Variants in IPO11 observed in about 807,000 individuals in gnomAD.
The protein encoded by IPO11 is importin 11.
Under a neutral mutation model 143.2 loss-of-function variants are expected in IPO11, and 66 were observed. The ratio of observed to expected loss-of-function variants is 0.46; its 90% CI spans 0.38 to 0.57. IPO11 has a LOEUF of 0.57. Ranked by LOEUF, IPO11 falls within the 20% of genes least tolerant of loss-of-function variation. The pLI is 0.00. For synonymous variants in IPO11, 385 were observed against 377.8 expected (o/e 1.02, Z -0.22); for missense variants, 1,026 against 1,141.0 (o/e 0.90, Z 1.45).
At chr5:62,520,357 C>G (rs1217074951) in intron 20 of IPO11, among the ~76,000 whole-genome samples, 1 of 151,750 alleles carries the variant, frequency 6.6e-6, no homozygotes, top group East Asian at 1.9e-4. Flanking sequence ...CTTTCATCAT[C>G]TTGAAGAGAT....
chr5:62,566,731 C>T (rs566435381), intron 27 of IPO11, among the ~76,000 whole-genome samples: 28 of 138,746 alleles, frequency 2.0e-4, no homozygotes, highest in Non-Finnish European at 3.6e-4. Context: ...CAGTAAGACT[C>T]TGTCTCAAAA....
At chr5:62,617,213 G>A (rs1746174373) in intron 29 of IPO11, among the ~76,000 whole-genome samples, 1 of 152,178 alleles carries the variant, frequency 6.6e-6, no homozygotes, top group African/African-American at 2.4e-5. Flanking sequence ...TAATAAAAAT[G>A]TAGACAGAAA....
rs77360909 is a variant in IPO11 at position 62,561,504 on chromosome 5, A to G, written c.2582+247A>G. Among the ~76,000 whole-genome samples, 1,205 of 152,028 alleles carry G rather than the reference A, an allele frequency of 7.9e-3. 20 individuals are homozygous for G. The highest frequency in any genetic ancestry group is 0.028 in the African/African-American group (1,141 of 41,474). ...TGTATTCATTTTACAAATTTATTTCATTCTTGTCTGAATTTCCATTTTTTA... is the reference window on the plus strand; with the variant it reads ...TGTATTCATTTTACAAATTTATTTCGTTCTTGTCTGAATTTCCATTTTTTA... On this transcript the variant is annotated intron_variant, in intron 27 of 29. Coordinates refer to ENST00000325324, the MANE Select transcript of IPO11 (RefSeq NM_016338.5).
chr5:62,620,909 G>A (rs1038827759), intron 29 of IPO11, among the ~76,000 whole-genome samples: 1 of 152,126 alleles, frequency 6.6e-6, no homozygotes, highest in Non-Finnish European at 1.5e-5. Context: ...GGTGGCGGAG[G>A]GCCTTACAAT....
At chr5:62,612,608 A>G (rs1372728590) in intron 29 of IPO11, among the ~76,000 whole-genome samples, 2 of 152,220 alleles carry the variant, frequency 1.3e-5, no homozygotes, top group East Asian at 3.8e-4. Flanking sequence ...ATTTTGAAAA[A>G]TAGTTATTTA....
intron 29 of IPO11, among the ~76,000 whole-genome samples, chr5:62,604,173 T>G (rs1381537500): frequency 6.6e-6 from 1 of 152,170 alleles, no homozygotes; most frequent in Non-Finnish European, 1.5e-5. Flanking sequence ...TCTCGAGAAG[T>G]ATTTTTCCTT....
intron 4 of IPO11, among the ~76,000 whole-genome samples, chr5:62,451,359 A>G (rs1163463534): frequency 6.6e-6 from 1 of 152,246 alleles, no homozygotes; most frequent in African/African-American, 2.4e-5. Flanking sequence ...GCTATTTCCA[A>G]AACAATAAAA....
chr5:62,575,160 G>A (rs980765385), intron 27 of IPO11, among the ~76,000 whole-genome samples: 2 of 152,110 alleles, frequency 1.3e-5, no homozygotes, highest in African/African-American at 2.4e-5. Context: ...AATTTTACAC[G>A]GATATCATAG....
chr5:62,608,074 C>A (rs1355391418), intron 29 of IPO11, among the ~76,000 whole-genome samples: 2 of 152,190 alleles, frequency 1.3e-5, no homozygotes, highest in African/African-American at 2.4e-5. Context: ...CCGCCTTGGC[C>A]TCCCAAAGTG....
intron 28 of IPO11, among the ~76,000 whole-genome samples, chr5:62,591,957 C>A (rs1020558101): frequency 2.0e-5 from 3 of 152,154 alleles, no homozygotes; most frequent in African/African-American, 7.2e-5. Flanking sequence ...TCAAGTGATT[C>A]TCTTGCCTTA....
intron 11 of IPO11, among the ~76,000 whole-genome samples, chr5:62,484,945 T>C (rs1050364327): frequency 6.6e-6 from 1 of 152,048 alleles, no homozygotes; most frequent in African/African-American, 2.4e-5. Context: ...GCTTTCTTTA[T>C]ATAGTACATA....
At chr5:62,612,239 A>G (rs1187931203) in intron 29 of IPO11, among the ~76,000 whole-genome samples, 1 of 152,194 alleles carries the variant, frequency 6.6e-6, no homozygotes. Flanking sequence ...ACATGTTAAA[A>G]AAATCATTCA....
intron 28 of IPO11, among the ~76,000 whole-genome samples, chr5:62,596,908 C>T (rs950992064): frequency 4.6e-5 from 7 of 152,200 alleles, no homozygotes; most frequent in African/African-American, 1.4e-4. Context: ...ATGCCATACA[C>T]TTATGGCTTG....
intron 19 of IPO11, among the ~76,000 whole-genome samples, chr5:62,509,326 G>A (rs1291367110): frequency 6.6e-6 from 1 of 152,162 alleles, no homozygotes; most frequent in Non-Finnish European, 1.5e-5. Context: ...GGAACTTAGA[G>A]TAATTTTTTT....
At chr5:62,474,783 A>G (rs1745897929) in intron 8 of IPO11, among the ~76,000 whole-genome samples, 1 of 152,178 alleles carries the variant, frequency 6.6e-6, no homozygotes, top group Non-Finnish European at 1.5e-5. Flanking sequence ...GCCTGAAACC[A>G]CAGATAGTAC....
At chr5:62,579,679 A>T in intron 27 of IPO11, 1 of 1,547,580 alleles carries the variant, frequency 6.5e-7, no homozygotes, top group Non-Finnish European at 8.7e-7. Context: ...AAGTGAATTA[A>T]CAGGACTTCA....
intron 29 of IPO11, among the ~76,000 whole-genome samples, chr5:62,615,669 A>G (rs914618573): frequency 1.3e-5 from 2 of 152,240 alleles, no homozygotes; most frequent in South Asian, 4.1e-4. Flanking sequence ...CCAATCTGCA[A>G]AATAGATGGG....
At chr5:62,565,861 T>C (rs1317833762) in intron 27 of IPO11, among the ~76,000 whole-genome samples, 1 of 151,152 alleles carries the variant, frequency 6.6e-6, no homozygotes, top group South Asian at 2.1e-4. Flanking sequence ...CTCCCACTTA[T>C]GAGTGAGAGC....
intron 7 of IPO11, among the ~76,000 whole-genome samples, chr5:62,472,431 T>C (rs917650704): frequency 1.1e-4 from 17 of 152,114 alleles, no homozygotes; most frequent in African/African-American, 4.1e-4. Flanking sequence ...CAACCTTTAC[T>C]CAGTTATAAA....
Sources: allele counts gnomAD v4.1 joint callset (sites outside exome capture counted in the v4.1 genomes callset), GRCh38; gene constraint gnomAD v4.1.1; transcripts MANE v1.5; gene names NCBI Gene and HGNC (gene_info 2026-07-23, HGNC 2026-07-21).